The following RPS6KC1 variants were observed in gnomAD, a reference collection of about 807,000 sequenced individuals.
RPS6KC1 encodes the protein inactive ribosomal protein S6 kinase delta-1.
RPS6KC1 carries 54 observed loss-of-function variants against 103.8 expected under a neutral mutation model. That is an observed-to-expected ratio of 0.52 (90% CI 0.42 to 0.65). The LOEUF is 0.65. RPS6KC1 is among the 30% of genes least tolerant of loss of function. The probability of loss-of-function intolerance (pLI) is 0.00; values close to 1 mark genes in which losing one functional copy is unlikely to be tolerated. For synonymous variants in RPS6KC1, 439 were observed against 438.7 expected, an observed-to-expected ratio of 1.00 and a Z score of -0.01; for missense variants, 1,151 against 1,253.8, an observed-to-expected ratio of 0.92 and a Z score of 1.24.
chr1:213,484,042 CAT>C, the RPS6KC1 span, among the ~76,000 whole-genome samples: 4 of 152,150 alleles, frequency 2.6e-5, no homozygotes, highest in African/African-American at 7.2e-5. Context: ...AAATTTCAAA[CAT>C]ATAGGTGAGA....
chr1:213,854,513 T>C, the RPS6KC1 span, among the ~76,000 whole-genome samples: 1 of 64,796 alleles, frequency 1.5e-5, no homozygotes, highest in African/African-American at 8.0e-5. Context: ...TTTCTTTCTC[T>C]TTCTTTCTTT....
intron 5 of RPS6KC1, among the ~76,000 whole-genome samples, chr1:213,122,807 C>T (rs945662861): frequency 6.6e-6 from 1 of 151,976 alleles, no homozygotes; most frequent in African/African-American, 2.4e-5. Flanking sequence ...TTATTCCCTG[C>T]CCCCAGTTGA....
the RPS6KC1 span, among the ~76,000 whole-genome samples, chr1:213,698,398 GGT>G: frequency 6.6e-6 from 1 of 152,096 alleles, no homozygotes; most frequent in Non-Finnish European, 1.5e-5. Context: ...TACTTAAAAT[GGT>G]TATGAAATTT....
At chr1:213,177,001 A>G (rs951001964) in intron 8 of RPS6KC1, among the ~76,000 whole-genome samples, 1 of 152,212 alleles carries the variant, frequency 6.6e-6, no homozygotes, top group African/African-American at 2.4e-5. Context: ...CTTGGCCCAA[A>G]GTCACATAGC....
chr1:213,217,830 T>G (rs1267235685), intron 8 of RPS6KC1, among the ~76,000 whole-genome samples: 1 of 152,148 alleles, frequency 6.6e-6, no homozygotes, highest in East Asian at 1.9e-4. Context: ...CAACCCTTCA[T>G]GCTAAAAACT....
chr1:213,573,715 G>A, the RPS6KC1 span, among the ~76,000 whole-genome samples: 2 of 152,240 alleles, frequency 1.3e-5, no homozygotes, highest in Admixed American at 1.3e-4. Flanking sequence ...AAGTGCTTCT[G>A]TTGCTAGACG....
the RPS6KC1 span, among the ~76,000 whole-genome samples, chr1:213,763,491 A>G: frequency 6.6e-6 from 1 of 152,220 alleles, no homozygotes; most frequent in African/African-American, 2.4e-5. Flanking sequence ...CCCAAGGTCA[A>G]TTCCGAGCAG....
At chr1:213,393,280 C>G in the RPS6KC1 span, among the ~76,000 whole-genome samples, 1 of 152,208 alleles carries the variant, frequency 6.6e-6, no homozygotes, top group Non-Finnish European at 1.5e-5. Flanking sequence ...CAGTCACCCA[C>G]TTAAATATCT....
At chr1:213,307,763 C>A in the RPS6KC1 span, among the ~76,000 whole-genome samples, 1 of 152,154 alleles carries the variant, frequency 6.6e-6, no homozygotes. Flanking sequence ...AGGATCTATA[C>A]AGTGAAACTC....
At chr1:213,207,382 A>G (rs2093379363) in intron 8 of RPS6KC1, among the ~76,000 whole-genome samples, 1 of 152,202 alleles carries the variant, frequency 6.6e-6, no homozygotes, top group Non-Finnish European at 1.5e-5. Flanking sequence ...TGACACTGTT[A>G]AAGGTGTGAC....
chr1:213,076,579 T>C (rs2079357775), intron 2 of RPS6KC1, among the ~76,000 whole-genome samples: 2 of 152,098 alleles, frequency 1.3e-5, no homozygotes. Flanking sequence ...ATCTGTGATA[T>C]CAAGGCCATG....
In RPS6KC1 at chr1:213,241,097, G is replaced by A. The variant is rs1335622927; in HGVS notation, c.1621G>A (p.Gly541Ser). ...GCCCTTCATGAAGACTGAAGGGAAT[G>A]GTGTTGATACAAAAGCTATTAAAAG... is the stretch of plus-strand genomic sequence containing the variant. ...EEPFMKTEGN[G>S]VDTKAIKSFP... The change falls in exon 11 of 15, where the codon GGT (glycine) becomes AGT (serine). Residue 541 changes from glycine (G) to serine (S), a missense_variant. Transcript: ENST00000366960. The A allele has an allele frequency of 2.5e-6, 4 of 1,613,608 alleles. No individual in the cohort carries two copies. In the East Asian group the frequency reaches 8.9e-5, roughly 36 times the overall value.
chr1:213,183,436 C>T (rs2092381446), intron 8 of RPS6KC1, among the ~76,000 whole-genome samples: 1 of 152,064 alleles, frequency 6.6e-6, no homozygotes, highest in African/African-American at 2.4e-5. Context: ...GTATTGAAAT[C>T]ATACTGAGTG....
the RPS6KC1 span, among the ~76,000 whole-genome samples, chr1:213,572,653 G>C: frequency 6.6e-6 from 1 of 152,102 alleles, no homozygotes; most frequent in Non-Finnish European, 1.5e-5. Context: ...TTCATTGTTT[G>C]AGTTTAGATA....
At chr1:213,408,473 G>A in the RPS6KC1 span, among the ~76,000 whole-genome samples, 2 of 152,278 alleles carry the variant, frequency 1.3e-5, no homozygotes, top group South Asian at 4.1e-4. Flanking sequence ...GATGTGATTA[G>A]CACCTAAAGT....
chr1:213,576,172 A>G, the RPS6KC1 span, among the ~76,000 whole-genome samples: 1 of 152,178 alleles, frequency 6.6e-6, no homozygotes, highest in Non-Finnish European at 1.5e-5. Context: ...TTAACCAACC[A>G]TGGATGGAAA....
At chr1:213,639,682 G>A in the RPS6KC1 span, among the ~76,000 whole-genome samples, 2 of 151,938 alleles carry the variant, frequency 1.3e-5, no homozygotes, top group African/African-American at 2.4e-5. Flanking sequence ...TCTTTAGATG[G>A]TTAACATGGT....
chr1:213,616,208 GA>G, the RPS6KC1 span, among the ~76,000 whole-genome samples: 1 of 152,244 alleles, frequency 6.6e-6, no homozygotes, highest in Non-Finnish European at 1.5e-5. Flanking sequence ...CACAGTACAT[GA>G]GAGAATGTAA....
At chr1:213,809,414 T>TGA in the RPS6KC1 span, among the ~76,000 whole-genome samples, 2,160 of 152,252 alleles carry the variant, frequency 0.014, 21 homozygotes, top group Non-Finnish European at 0.023. Context: ...TTTGTGAGAA[T>TGA]TACCAAAATG....
Sources: allele counts gnomAD v4.1 joint callset (sites outside exome capture counted in the v4.1 genomes callset), GRCh38; gene constraint gnomAD v4.1.1; transcripts MANE v1.5; gene names NCBI Gene and HGNC (gene_info 2026-07-23, HGNC 2026-07-21).